The following GPATCH2 variants were observed in gnomAD, a reference collection of about 807,000 sequenced individuals.
The protein encoded by GPATCH2 is G patch domain-containing protein 2.
In GPATCH2, 51 loss-of-function variants were observed where a neutral mutation model predicts 58.0. That is an observed-to-expected ratio of 0.88 (90% confidence interval 0.70 to 1.11). The LOEUF is 1.11. GPATCH2 is among the 50% of genes most tolerant of loss of function. The pLI, the probability that GPATCH2 is intolerant of heterozygous loss-of-function variation, is 0.00. For synonymous variants in GPATCH2, 222 were observed against 218.5 expected, an observed-to-expected ratio of 1.02 and a Z score of -0.14; for missense variants, 625 against 652.2, an observed-to-expected ratio of 0.96 and a Z score of 0.45.
chr1:217,532,768 A>G (rs1306787594), intron 5 of GPATCH2, among the ~76,000 whole-genome samples: 1 of 152,156 alleles, frequency 6.6e-6, no homozygotes, highest in Non-Finnish European at 1.5e-5. Flanking sequence ...TTACATGTTC[A>G]AGGAGTAGGA....
intron 8 of GPATCH2, among the ~76,000 whole-genome samples, chr1:217,467,485 T>C (rs2102496688): frequency 6.6e-6 from 1 of 152,256 alleles, no homozygotes; most frequent in Admixed American, 6.5e-5. Context: ...AAACACTTTT[T>C]AGTGATTATT....
intron 1 of GPATCH2, among the ~76,000 whole-genome samples, chr1:217,621,939 T>A (rs1669209909): frequency 6.6e-6 from 1 of 152,138 alleles, no homozygotes. Flanking sequence ...CCCTATGAGG[T>A]GGGAGATGAA....
At chr1:217,594,646 C>A (rs572480538) in intron 5 of GPATCH2, among the ~76,000 whole-genome samples, 23 of 152,230 alleles carry the variant, frequency 1.5e-4, no homozygotes, top group Admixed American at 8.5e-4. Flanking sequence ...GTTAGAACAT[C>A]TAATTTCTTC....
At chr1:217,489,100 CTTT>C (rs779967454) in intron 8 of GPATCH2, among the ~76,000 whole-genome samples, 2 of 139,648 alleles carry the variant, frequency 1.4e-5, no homozygotes, top group Non-Finnish European at 1.6e-5. Context: ...TTTCTCTTCA[CTTT>C]TTTTTTTTTT....
intron 2 of GPATCH2, among the ~76,000 whole-genome samples, chr1:217,616,450 G>C (rs1321004082): frequency 1.3e-5 from 2 of 151,960 alleles, no homozygotes; most frequent in African/African-American, 4.8e-5. Context: ...CTCTCCACCT[G>C]TCCAAGCTCT....
chr1:217,533,831 C>T (rs4301683), intron 5 of GPATCH2, among the ~76,000 whole-genome samples: 52,867 of 151,944 alleles, frequency 0.35, 10,075 homozygotes, highest in Non-Finnish European at 0.42. Flanking sequence ...TAAATAGCAA[C>T]GGGGATAACA....
intron 1 of GPATCH2, among the ~76,000 whole-genome samples, chr1:217,628,769 T>A (rs1411569493): frequency 6.6e-6 from 1 of 150,966 alleles, no homozygotes; most frequent in Non-Finnish European, 1.5e-5. Flanking sequence ...AACAGCAACG[T>A]CCACACTGGA....
rs1162776894 is a variant in GPATCH2, at chr1:217,620,115, A to C, written c.441T>G (p.Asp147Glu). 2.5e-6 allele frequency: 4 copies of C among 1,614,132 alleles called. No homozygotes were observed. The highest frequency in any genetic ancestry group is 1.1e-5 in the South Asian group (1 of 91,080). ...RGKRPLWHESDFAVDNVGNRT... is the reference protein window; with the variant it reads ...RGKRPLWHESEFAVDNVGNRT... ...TATTCCCAACATTGTCCACAGCAAA[A>C]TCAGACTCATGCCATAGAGGTCTTT... The change falls in exon 2 of 10, where the codon GAT (aspartate) becomes GAG (glutamate). Residue 147 changes from aspartate (D) to glutamate (E), a missense_variant. By Grantham distance (45) the Asp-to-Glu change is conservative. Transcript: ENST00000366935.
At chr1:217,513,030 C>T (rs1005681889) in intron 6 of GPATCH2, among the ~76,000 whole-genome samples, 6 of 152,208 alleles carry the variant, frequency 3.9e-5, no homozygotes, top group African/African-American at 1.4e-4. Context: ...TGGCTCACAC[C>T]TGTAATCCCA....
intron 5 of GPATCH2, among the ~76,000 whole-genome samples, chr1:217,527,925 A>G (rs2102616357): frequency 6.6e-6 from 1 of 152,300 alleles, no homozygotes; most frequent in South Asian, 2.1e-4. Flanking sequence ...AACAACTACT[A>G]AACTGTGTTC....
intron 5 of GPATCH2, among the ~76,000 whole-genome samples, chr1:217,607,130 A>G (rs11117896): frequency 0.6 from 91,741 of 151,984 alleles, 28,674 homozygotes; most frequent in African/African-American, 0.68. Context: ...TGTGGATTCC[A>G]TATTTTTAAG....
chr1:217,610,028 C>G, intron 5 of GPATCH2: 1 of 1,427,770 alleles, frequency 7.0e-7, no homozygotes, highest in Non-Finnish European at 9.1e-7. Context: ...AAAAACAGCC[C>G]CATCTTTTCA....
intron 5 of GPATCH2, among the ~76,000 whole-genome samples, chr1:217,544,656 G>A (rs1253143640): frequency 6.6e-6 from 1 of 152,172 alleles, no homozygotes; most frequent in Non-Finnish European, 1.5e-5. Flanking sequence ...GTATGTGCAA[G>A]TGGGCAATCC....
chr1:217,583,979 T>G (rs912752162), intron 5 of GPATCH2, among the ~76,000 whole-genome samples: 1 of 151,898 alleles, frequency 6.6e-6, no homozygotes, highest in Non-Finnish European at 1.5e-5. Context: ...AAAAGTGAAA[T>G]TATCTGTTTT....
intron 5 of GPATCH2, among the ~76,000 whole-genome samples, chr1:217,526,402 A>C (rs903025832): frequency 6.6e-6 from 1 of 152,244 alleles, no homozygotes; most frequent in Non-Finnish European, 1.5e-5. Flanking sequence ...AGCTAAAAAA[A>C]AAGTATGTAA....
At chr1:217,539,538 C>T (rs1011546730) in intron 5 of GPATCH2, among the ~76,000 whole-genome samples, 1 of 152,172 alleles carries the variant, frequency 6.6e-6, no homozygotes, top group Non-Finnish European at 1.5e-5. Flanking sequence ...CACTCCCAAT[C>T]AGTGCTGCAC....
At chr1:217,531,044 AACAC>A (rs56751109) in intron 5 of GPATCH2, among the ~76,000 whole-genome samples, 2,888 of 148,246 alleles carry the variant, frequency 0.019, 83 homozygotes, top group African/African-American at 0.061. Flanking sequence ...CAGTTACACA[AACAC>A]ACACACACAC....
chr1:217,571,892 T>C (rs563050658), intron 5 of GPATCH2, among the ~76,000 whole-genome samples: 1 of 142,516 alleles, frequency 7.0e-6, no homozygotes, highest in African/African-American at 2.6e-5. Flanking sequence ...CAAGAGATTC[T>C]GAGAAACAGA....
chr1:217,620,279 C>T lies in GPATCH2; in HGVS notation c.277G>A (p.Asp93Asn), dbSNP rs754772939. The change falls in exon 2 of 10, where the codon GAT (aspartate) becomes AAT (asparagine). Residue 93 changes from aspartate to asparagine, a missense_variant. By Grantham distance (23) the Asp-to-Asn change is conservative. Transcript: ENST00000366935. Reference protein sequence around the residue: ...ETGHCLSEGSDSSLEEPSKDY... With the variant: ...ETGHCLSEGSNSSLEEPSKDY... ...TTGCTTGGTTCTTCTAAACTAGAAT[C>T]AGAGCCTTCACTTAAGCAGTGACCA... The T allele has an allele frequency of 7.4e-6, 12 of 1,613,900 alleles. No individual in the cohort carries two copies. Among genetic ancestry groups the T allele is most frequent in the Admixed American group, 5.0e-5 (3 of 59,992 alleles).
Sources: allele counts gnomAD v4.1 joint callset (sites outside exome capture counted in the v4.1 genomes callset), GRCh38; gene constraint gnomAD v4.1.1; transcripts MANE v1.5; gene names NCBI Gene and HGNC (gene_info 2026-07-23, HGNC 2026-07-21).